TNFAIP6: variants seen among roughly 807,000 people sequenced by gnomAD.
TNFAIP6 encodes TNF alpha induced protein 6.
TNFAIP6 carries 36 observed loss-of-function variants against 33.7 expected under a neutral mutation model. The observed-to-expected ratio is 1.07, with a 90% CI of 0.82 to 1.41. The LOEUF is 1.41. Ranked by LOEUF, TNFAIP6 falls within the 40% of genes most tolerant of loss-of-function variation. The pLI, the probability that TNFAIP6 is intolerant of heterozygous loss-of-function variation, is 0.00. For missense variants in TNFAIP6, 273 were observed against 331.9 expected (o/e 0.82, Z 1.38); for synonymous variants, 113 against 112.8 (o/e 1.00, Z -0.01).
At chr2:151,373,230 G>T (rs1392346156) in intron 4 of TNFAIP6, among the ~76,000 whole-genome samples, 2 of 151,356 alleles carry the variant, frequency 1.3e-5, no homozygotes, top group African/African-American at 2.4e-5. Flanking sequence ...CAGGAGAATC[G>T]CTTGAACCCA....
intron 5 of TNFAIP6, among the ~76,000 whole-genome samples, chr2:151,376,873 T>G (rs1351875641): frequency 1.3e-5 from 2 of 149,136 alleles, no homozygotes; most frequent in Non-Finnish European, 3.0e-5. Context: ...TTCTTTTTTT[T>G]TTTTTTTTTT....
chr2:151,360,064 G>A lies in TNFAIP6; in HGVS notation c.94+2304G>A, dbSNP rs13418019. 7.2e-3 allele frequency among the ~76,000 whole-genome samples: 1,102 copies of A among 152,286 alleles called. 16 individuals carry two copies. Among genetic ancestry groups the A allele is most frequent in the African/African-American group, 0.025 (1,056 of 41,550 alleles). ...TAATCCTAGCACTGTGGGAGTCTGA[G>A]GTGGGCAGATTGCTTGACCCCAGGA... On this transcript the variant is annotated intron_variant, in intron 1 of 5. Coordinates refer to ENST00000243347, the MANE Select transcript of TNFAIP6 (RefSeq NM_007115.4).
intron 1 of TNFAIP6, among the ~76,000 whole-genome samples, chr2:151,362,480 CT>C (rs34640251): frequency 4.3e-3 from 245 of 56,866 alleles, no homozygotes; most frequent in East Asian, 0.013. Flanking sequence ...TTACTAAATT[CT>C]TTTTTTTTTT....
At chr2:151,360,289 C>T (rs922998240) in intron 1 of TNFAIP6, among the ~76,000 whole-genome samples, 1 of 152,004 alleles carries the variant, frequency 6.6e-6, no homozygotes, top group South Asian at 2.1e-4. Context: ...CAGAGTGAGA[C>T]CTTGTCTCAG....
In TNFAIP6 at chr2:151,379,347, C is replaced by T. The variant is rs1684974942; in HGVS notation, c.665-17C>T. On this transcript the variant is annotated splice_polypyrimidine_tract_variant and intron_variant, in intron 5 of 5. Coordinates refer to ENST00000243347, the MANE Select transcript of TNFAIP6 (RefSeq NM_007115.4). ...GAGAGTAACATCTTTGTTCTTTTGCCTCCTTCCCCGCAACAGGAAATGTCA... is the reference window on the plus strand; with the variant it reads ...GAGAGTAACATCTTTGTTCTTTTGCTTCCTTCCCCGCAACAGGAAATGTCA... 1 of 1,574,328 alleles carries T rather than the reference C, an allele frequency of 6.4e-7. No homozygotes were observed. Among genetic ancestry groups the T allele is most frequent in the Non-Finnish European group, 8.6e-7 (1 of 1,166,504 alleles).
rs375122098 is a variant in TNFAIP6 at position 151,370,188 on chromosome 2, G to T, written c.563G>T (p.Cys188Phe). ...LDFDLEDDPG[C>F]LADYVEIYDS... ...TTTGACCTTGAAGATGACCCAGGTT[G>T]CTTGGCTGATTATGTTGAAATATAT... Residue 188 changes from cysteine (C) to phenylalanine (F), a missense_variant, in exon 4 of 6, where the codon TGC becomes TTC. Physicochemically the swap from Cys to Phe is radical, Grantham distance 205. Coordinates refer to ENST00000243347, the MANE Select transcript of TNFAIP6 (RefSeq NM_007115.4). 6.8e-6 allele frequency: 11 copies of T among 1,614,008 alleles called. No homozygotes were observed. Among genetic ancestry groups the T allele is most frequent in the Non-Finnish European group, 5.1e-6 (6 of 1,180,034 alleles).
At chr2:151,375,313 T>C (rs1193924110) in intron 5 of TNFAIP6, among the ~76,000 whole-genome samples, 2 of 150,322 alleles carry the variant, frequency 1.3e-5, no homozygotes, top group Admixed American at 6.6e-5. Flanking sequence ...GAAAAGAATA[T>C]AGTTAAAACA....
In TNFAIP6 at chr2:151,364,051, A is replaced by C. The variant is rs750019197; in HGVS notation, c.203A>C (p.Tyr68Ser). The C allele has an allele frequency of 1.2e-6, 2 of 1,614,138 alleles. No homozygotes were observed. The highest frequency in any genetic ancestry group is 1.1e-5 in the South Asian group (1 of 91,082). Residue 68 changes from tyrosine (Y) to serine (S), a missense_variant, in exon 2 of 6, where the codon TAC becomes TCC. Coordinates refer to ENST00000243347, the MANE Select transcript of TNFAIP6 (RefSeq NM_007115.4). ...CEFEGGHLAT[Y>S]KQLEAARKIG... ...TTTGAAGGCGGCCATCTCGCAACTT[A>C]CAAGCAGCTAGAGGCAGCCAGAAAA...
intron 4 of TNFAIP6, among the ~76,000 whole-genome samples, chr2:151,372,457 C>A (rs1684833598): frequency 6.6e-6 from 1 of 152,030 alleles, no homozygotes; most frequent in African/African-American, 2.4e-5. Context: ...TAAAAGGGTT[C>A]CTTTCAAGTC....
chr2:151,380,885 C>A (rs1022883607), downstream of TNFAIP6, among the ~76,000 whole-genome samples: 1 of 152,084 alleles, frequency 6.6e-6, no homozygotes. Flanking sequence ...AAACCAATGA[C>A]CTCCTATAAC....
chr2:151,369,555 C>G (rs1462420838), intron 3 of TNFAIP6, among the ~76,000 whole-genome samples: 1 of 152,116 alleles, frequency 6.6e-6, no homozygotes, highest in Non-Finnish European at 1.5e-5. Flanking sequence ...AGGAGGCTCA[C>G]TTGAGGTCAG....
chr2:151,366,338 T>G, intron 3 of TNFAIP6, 121 bp downstream of exon 3: 1 of 825,714 alleles, frequency 1.2e-6, no homozygotes, highest in Non-Finnish European at 1.9e-6. Flanking sequence ...TAACTACTAC[T>G]AATAACTACA....
chr2:151,364,527 A>G (rs1189525665), intron 2 of TNFAIP6, among the ~76,000 whole-genome samples: 1 of 152,000 alleles, frequency 6.6e-6, no homozygotes, highest in African/African-American at 2.4e-5. Context: ...ATTTTTTTCC[A>G]TTAAGTGGGA....
chr2:151,378,446 A>G (rs1007717658), intron 5 of TNFAIP6, among the ~76,000 whole-genome samples: 2 of 151,364 alleles, frequency 1.3e-5, no homozygotes, highest in East Asian at 2.0e-4. Flanking sequence ...CTGCCCTGCC[A>G]TTCTCCTGTA....
At chr2:151,379,243 A>T (rs1684973645) in intron 5 of TNFAIP6, 121 bp from the exon 6 acceptor site, 1 of 941,654 alleles carries the variant, frequency 1.1e-6, no homozygotes, top group African/African-American at 1.7e-5. Flanking sequence ...TCGACCTCTG[A>T]ATTCTGGGAA....
Position 151,363,936 on chromosome 2 carries a change from T to A in TNFAIP6, c.95-7T>A. ...CAGTGCTTTTATGACATCATCTGAT[T>A]TTGCAGAACGAGCAGCCGGTGTGTA... On this transcript the variant is annotated splice_polypyrimidine_tract_variant and splice_region_variant and intron_variant, in intron 1 of 5. Transcript: ENST00000243347. The A allele has an allele frequency of 6.2e-7, 1 of 1,611,016 alleles. No individual in the cohort carries two copies. Among genetic ancestry groups the A allele is most frequent in the Non-Finnish European group, 8.5e-7 (1 of 1,179,238 alleles).
At chr2:151,360,777 A>C (rs1023020571) in intron 1 of TNFAIP6, among the ~76,000 whole-genome samples, 31 of 152,138 alleles carry the variant, frequency 2.0e-4, no homozygotes, top group African/African-American at 7.2e-4. Context: ...TTATAACAAA[A>C]ATTTTTTGCT....
chr2:151,362,741 C>T (rs1314718808), intron 1 of TNFAIP6, among the ~76,000 whole-genome samples: 2 of 152,084 alleles, frequency 1.3e-5, no homozygotes, highest in East Asian at 1.9e-4. Context: ...CCGCCCGCCT[C>T]GGCCTCCCGA....
At chr2:151,364,130 A>T (rs780008246) in intron 2 of TNFAIP6, 50 bp downstream of exon 2, 1 of 1,593,004 alleles carries the variant, frequency 6.3e-7, no homozygotes, top group Non-Finnish European at 8.6e-7. Context: ...TGGAGGAAAA[A>T]AATCCATCTT....
Sources: allele counts gnomAD v4.1 joint callset (sites outside exome capture counted in the v4.1 genomes callset), GRCh38; gene constraint gnomAD v4.1.1; transcripts MANE v1.5; gene names NCBI Gene and HGNC (gene_info 2026-07-23, HGNC 2026-07-21).